The following TDRD3 variants were observed in gnomAD, a reference collection of about 807,000 sequenced individuals.
The protein encoded by TDRD3 is tudor domain-containing protein 3.
Under a neutral mutation model 86.7 loss-of-function variants are expected in TDRD3, and 45 were observed. The observed-to-expected ratio is 0.52, with a 90% confidence interval of 0.41 to 0.67. The LOEUF (loss-of-function observed/expected upper bound fraction) is 0.67. Ranked by LOEUF, TDRD3 falls within the 30% of genes least tolerant of loss-of-function variation. The pLI is 0.00. For synonymous variants in TDRD3, 298 were observed against 301.7 expected (o/e 0.99, Z 0.13); for missense variants, 814 against 889.0 (o/e 0.92, Z 1.07).
At chr13:60,420,893 G>A (rs1375311459) in intron 1 of TDRD3, among the ~76,000 whole-genome samples, 4 of 152,152 alleles carry the variant, frequency 2.6e-5, no homozygotes, top group Non-Finnish European at 5.9e-5. Flanking sequence ...GCAGTGAGCC[G>A]AGATCACGTC....
At chr13:60,530,240 C>T (rs765642162) in intron 11 of TDRD3, among the ~76,000 whole-genome samples, 2 of 152,138 alleles carry the variant, frequency 1.3e-5, no homozygotes, top group Non-Finnish European at 2.9e-5. Context: ...TGTAGTCTTG[C>T]TTCTTTCACA....
intron 10 of TDRD3, 130 bp from the exon 11 acceptor site, chr13:60,528,237 G>A: frequency 1.9e-6 from 2 of 1,046,430 alleles, no homozygotes; most frequent in Non-Finnish European, 2.6e-6. Flanking sequence ...AGATAATGAG[G>A]TAGGAAGATG....
intron 8 of TDRD3, among the ~76,000 whole-genome samples, chr13:60,498,745 G>A (rs764993428): frequency 1.3e-5 from 2 of 152,000 alleles, no homozygotes; most frequent in African/African-American, 4.8e-5. Flanking sequence ...GGAGACCTCC[G>A]GCCTTTTACC....
At chr13:60,436,616 C>G (rs1955114956) in intron 1 of TDRD3, among the ~76,000 whole-genome samples, 1 of 152,062 alleles carries the variant, frequency 6.6e-6, no homozygotes, top group African/African-American at 2.4e-5. Context: ...CTATTCTGTT[C>G]CATTGGTATC....
At chr13:60,555,711 C>T (rs1958166697) in intron 12 of TDRD3, among the ~76,000 whole-genome samples, 1 of 152,058 alleles carries the variant, frequency 6.6e-6, no homozygotes, top group African/African-American at 2.4e-5. Flanking sequence ...TGATGAGTAT[C>T]ATTTAGTTCA....
chr13:60,553,549 T>A (rs993224635), intron 12 of TDRD3, among the ~76,000 whole-genome samples: 15 of 148,464 alleles, frequency 1.0e-4, no homozygotes, highest in East Asian at 3.9e-4. Flanking sequence ...TTATTTTTTT[T>A]AAATAAAAAA....
At chr13:60,408,303 G>T (rs1352735243) in intron 1 of TDRD3, among the ~76,000 whole-genome samples, 1 of 152,148 alleles carries the variant, frequency 6.6e-6, no homozygotes, top group African/African-American at 2.4e-5. Context: ...GCATGAAAAA[G>T]AACTAATATA....
intron 12 of TDRD3, chr13:60,535,717 A>G (rs182840749): frequency 5.9e-5 from 9 of 152,430 alleles, no homozygotes; most frequent in African/African-American, 1.9e-4. Context: ...GTATATATGT[A>G]CAGATTAACT....
At chr13:60,459,394 C>CT (rs1955753455) in intron 3 of TDRD3, among the ~76,000 whole-genome samples, 1 of 152,172 alleles carries the variant, frequency 6.6e-6, no homozygotes, top group Non-Finnish European at 1.5e-5. Context: ...CAACTTTGCT[C>CT]TAAGTATATT....
At chr13:60,537,095 A>G (rs1957711444) in intron 12 of TDRD3, 1 of 152,066 alleles carries the variant, frequency 6.6e-6, no homozygotes, top group South Asian at 2.1e-4. Flanking sequence ...TCTGCAGTCA[A>G]CTTAGAAATC....
chr13:60,448,102 G>T (rs1955449672), intron 3 of TDRD3, among the ~76,000 whole-genome samples: 1 of 152,074 alleles, frequency 6.6e-6, no homozygotes, highest in Admixed American at 6.6e-5. Context: ...CACACAGTGT[G>T]TATTATTATT....
At chr13:60,551,891 T>A (rs1317499535) in intron 12 of TDRD3, among the ~76,000 whole-genome samples, 2 of 152,276 alleles carry the variant, frequency 1.3e-5, no homozygotes, top group East Asian at 3.9e-4. Context: ...CCCTGAGAAC[T>A]CACTTGCTAT....
At chr13:60,421,525 GT>G (rs1266463424) in intron 1 of TDRD3, among the ~76,000 whole-genome samples, 1 of 152,144 alleles carries the variant, frequency 6.6e-6, no homozygotes, top group African/African-American at 2.4e-5. Context: ...ACATCAGTTT[GT>G]CTATTTGCTG....
intron 5 of TDRD3, among the ~76,000 whole-genome samples, chr13:60,477,509 C>T (rs1956211778): frequency 6.6e-6 from 1 of 152,052 alleles, no homozygotes; most frequent in African/African-American, 2.4e-5. Context: ...GTCACTGTGC[C>T]CAGCTCGATG....
intron 12 of TDRD3, among the ~76,000 whole-genome samples, chr13:60,566,469 A>G (rs1958462332): frequency 6.6e-6 from 1 of 152,136 alleles, no homozygotes; most frequent in Non-Finnish European, 1.5e-5. Flanking sequence ...GTTATTAATA[A>G]GGTCAAAGGA....
intron 12 of TDRD3, among the ~76,000 whole-genome samples, chr13:60,558,964 C>CTTT (rs562728723): frequency 7.6e-6 from 1 of 131,550 alleles, no homozygotes; most frequent in Non-Finnish European, 1.6e-5. Flanking sequence ...GACATTTTTG[C>CTTT]TTTTTTTTTT....
intron 10 of TDRD3, among the ~76,000 whole-genome samples, chr13:60,520,008 G>C (rs1274048025): frequency 6.6e-6 from 1 of 152,106 alleles, no homozygotes. Context: ...AACAGCACTA[G>C]TCTTATGCTT....
At chr13:60,415,089 T>C (rs982041240) in intron 1 of TDRD3, among the ~76,000 whole-genome samples, 3 of 152,082 alleles carry the variant, frequency 2.0e-5, no homozygotes, top group African/African-American at 7.2e-5. Context: ...ATACTGATTA[T>C]TTTATATAAG....
intron 8 of TDRD3, among the ~76,000 whole-genome samples, chr13:60,499,860 G>T (rs1216449486): frequency 6.6e-6 from 1 of 152,182 alleles, no homozygotes; most frequent in Non-Finnish European, 1.5e-5. Context: ...GTGTTACTCT[G>T]GCGGATTTAT....
Sources: allele counts gnomAD v4.1 joint callset (sites outside exome capture counted in the v4.1 genomes callset), GRCh38; gene constraint gnomAD v4.1.1; transcripts MANE v1.5; gene names NCBI Gene and HGNC (gene_info 2026-07-23, HGNC 2026-07-21).